NTNG1: variants seen among roughly 807,000 people sequenced by gnomAD.
NTNG1 encodes the protein netrin G1.
In NTNG1, 16 loss-of-function variants were observed where a neutral mutation model predicts 54.0. The ratio of observed to expected loss-of-function variants is 0.30; its 90% CI spans 0.20 to 0.45. The LOEUF is 0.45. NTNG1 is among the 20% of genes least tolerant of loss of function. The pLI is 1.00. For missense variants in NTNG1, 530 were observed against 678.7 expected, an observed-to-expected ratio of 0.78 and a Z score of 2.43; for synonymous variants, 255 against 263.1, an observed-to-expected ratio of 0.97 and a Z score of 0.30.
At chr1:107,171,646 T>C (rs1656246809) in intron 2 of NTNG1, among the ~76,000 whole-genome samples, 1 of 152,142 alleles carries the variant, frequency 6.6e-6, no homozygotes, top group African/African-American at 2.4e-5. Flanking sequence ...ACTGCAGTCG[T>C]CCTCAGTATT....
At chr1:107,414,291 T>A (rs1674049696) in intron 5 of NTNG1, among the ~76,000 whole-genome samples, 1 of 152,162 alleles carries the variant, frequency 6.6e-6, no homozygotes, top group South Asian at 2.1e-4. Flanking sequence ...TTTTTCTCAT[T>A]CATGAAAATT....
intron 2 of NTNG1, among the ~76,000 whole-genome samples, chr1:107,196,014 G>C (rs971269941): frequency 1.3e-5 from 2 of 151,940 alleles, no homozygotes; most frequent in African/African-American, 4.8e-5. Context: ...TGGAGGATGG[G>C]AATTTTTGTA....
intron 2 of NTNG1, among the ~76,000 whole-genome samples, chr1:107,316,164 G>A (rs1406598959): frequency 6.6e-6 from 1 of 152,094 alleles, no homozygotes; most frequent in African/African-American, 2.4e-5. Context: ...TTATGCCCTA[G>A]GTGATTCCAA....
chr1:107,366,627 A>G (rs896851865), intron 3 of NTNG1, among the ~76,000 whole-genome samples: 13 of 152,242 alleles, frequency 8.5e-5, no homozygotes, highest in African/African-American at 3.1e-4. Flanking sequence ...GGAGAAAGTC[A>G]GACTTCAAAT....
At chr1:107,223,486 C>A (rs1216216301) in intron 2 of NTNG1, among the ~76,000 whole-genome samples, 1 of 151,890 alleles carries the variant, frequency 6.6e-6, no homozygotes, top group Non-Finnish European at 1.5e-5. Context: ...AATGGGTGTT[C>A]CTTACTAATA....
intron 2 of NTNG1, among the ~76,000 whole-genome samples, chr1:107,262,667 G>A (rs74108684): frequency 0.073 from 11,148 of 152,214 alleles, 1,355 homozygotes; most frequent in African/African-American, 0.25. Flanking sequence ...GAATTAGAAG[G>A]TGTTGAAAAT....
At chr1:107,292,369 A>G (rs1339918620) in intron 2 of NTNG1, among the ~76,000 whole-genome samples, 6 of 152,094 alleles carry the variant, frequency 3.9e-5, no homozygotes, top group African/African-American at 7.2e-5. Flanking sequence ...AGAGCAGGAA[A>G]TGTTACAGTA....
chr1:107,263,546 A>C (rs1236869668), intron 2 of NTNG1, among the ~76,000 whole-genome samples: 2 of 152,150 alleles, frequency 1.3e-5, no homozygotes, highest in African/African-American at 2.4e-5. Context: ...GAGGTTGCTT[A>C]GTGGAGTGAG....
intron 2 of NTNG1, among the ~76,000 whole-genome samples, chr1:107,240,857 C>T (rs1225164151): frequency 6.6e-6 from 1 of 152,158 alleles, no homozygotes; most frequent in Non-Finnish European, 1.5e-5. Context: ...CTGAATTTCT[C>T]AGTTAATCAG....
intron 3 of NTNG1, among the ~76,000 whole-genome samples, chr1:107,338,287 G>A (rs1359889866): frequency 6.6e-6 from 1 of 151,726 alleles, no homozygotes; most frequent in Non-Finnish European, 1.5e-5. Flanking sequence ...GCAAGGTTGG[G>A]GAAAAAATAA....
rs575853774 is a variant in NTNG1, at chr1:107,160,476, C to G, written c.246+11637C>G. ...TCCTAATTGGTCTCCCTGCTTCCTA[C>G]TTTTGTCCTACTATCAACATCATTT... On this transcript the variant is annotated intron_variant, in intron 2 of 7. Transcript: ENST00000370068. Among the ~76,000 whole-genome samples, 7 of 152,202 alleles carry G rather than the reference C, an allele frequency of 4.6e-5. No homozygotes were observed. The East Asian group carries it at 1.2e-3, about 25-fold the overall frequency.
At chr1:107,297,251 A>ATATATATATATG (rs1557878548) in intron 2 of NTNG1, among the ~76,000 whole-genome samples, 21 of 140,350 alleles carry the variant, frequency 1.5e-4, no homozygotes, top group African/African-American at 5.3e-4. Flanking sequence ...ATATATGCGC[A>ATATATATATATG]CACACACACA....
At chr1:107,350,375 T>C (rs1032521166) in intron 3 of NTNG1, among the ~76,000 whole-genome samples, 10 of 152,218 alleles carry the variant, frequency 6.6e-5, no homozygotes. Context: ...TGTTCATAAT[T>C]TGTAATTAAT....
intron 2 of NTNG1, among the ~76,000 whole-genome samples, chr1:107,250,239 C>T (rs1662498612): frequency 6.6e-6 from 1 of 152,106 alleles, no homozygotes; most frequent in Admixed American, 6.6e-5. Context: ...AAACTGAAAC[C>T]TCTTCTGGTA....
chr1:107,263,297 C>T (rs1570529415), intron 2 of NTNG1, among the ~76,000 whole-genome samples: 1 of 128,992 alleles, frequency 7.8e-6, no homozygotes, highest in African/African-American at 2.6e-5. Context: ...TCCTTCCTTC[C>T]TTCCTTCCTT....
At chr1:107,246,887 T>C (rs1437373436) in intron 2 of NTNG1, among the ~76,000 whole-genome samples, 1 of 152,196 alleles carries the variant, frequency 6.6e-6, no homozygotes, top group Non-Finnish European at 1.5e-5. Flanking sequence ...ATAGCCATCG[T>C]ACGCTTCCTT....
At chr1:107,459,428 T>C (rs1677143726) in intron 7 of NTNG1, among the ~76,000 whole-genome samples, 1 of 152,124 alleles carries the variant, frequency 6.6e-6, no homozygotes, top group African/African-American at 2.4e-5. Flanking sequence ...TTGGAGAGTC[T>C]TTGAAAATAC....
intron 2 of NTNG1, among the ~76,000 whole-genome samples, chr1:107,216,276 T>G (rs1312132975): frequency 6.6e-6 from 1 of 152,208 alleles, no homozygotes; most frequent in Non-Finnish European, 1.5e-5. Context: ...TACTGTTGGC[T>G]ATAGGTTTGT....
At chr1:107,199,314 C>T (rs111518933) in intron 2 of NTNG1, among the ~76,000 whole-genome samples, 39 of 136,378 alleles carry the variant, frequency 2.9e-4, no homozygotes, top group African/African-American at 1.0e-3. Flanking sequence ...GAATTTGGCA[C>T]ACATTACATA....
Sources: allele counts gnomAD v4.1 joint callset (sites outside exome capture counted in the v4.1 genomes callset), GRCh38; gene constraint gnomAD v4.1.1; transcripts MANE v1.5; gene names NCBI Gene and HGNC (gene_info 2026-07-23, HGNC 2026-07-21).